CYP2C8: variants seen among roughly 807,000 people sequenced by gnomAD.
CYP2C8 encodes cytochrome P450 2C8.
A neutral mutation model predicts 41.3 loss-of-function variants in CYP2C8; 51 were observed. The ratio of observed to expected loss-of-function variants is 1.24; its 90% CI spans 0.99 to 1.56. The LOEUF is 1.56. CYP2C8 is among the 40% of genes most tolerant of loss of function. The pLI, the probability that CYP2C8 is intolerant of heterozygous loss-of-function variation, is 0.00. For missense variants in CYP2C8, 651 were observed against 579.9 expected, an observed-to-expected ratio of 1.12 and a Z score of -1.26; for synonymous variants, 218 against 205.8, an observed-to-expected ratio of 1.06 and a Z score of -0.51.
intron 5 of CYP2C8, among the ~76,000 whole-genome samples, chr10:95,051,274 G>A (rs1385209819): frequency 6.6e-6 from 1 of 152,044 alleles, no homozygotes; most frequent in Non-Finnish European, 1.5e-5. Context: ...AAGAATTAGT[G>A]AGCTTTAACA....
In CYP2C8 at chr10:95,056,350, A is replaced by G. The variant is rs573589454; in HGVS notation, c.819+1985T>C. ...GTAGAAATGTTTAGTTGTTTCTCAA[A>G]AAGTTAAACATAAAATTACCATATG... On this transcript the variant is annotated intron_variant, in intron 5 of 8. Coordinates refer to ENST00000371270, the MANE Select transcript of CYP2C8 (RefSeq NM_000770.3). 3.3e-5 allele frequency among the ~76,000 whole-genome samples: 5 copies of G among 152,310 alleles called. No individual in the cohort carries two copies. The South Asian group carries it at 1.0e-3, about 32-fold the overall frequency.
intron 3 of CYP2C8, among the ~76,000 whole-genome samples, 154 bp downstream of exon 3, chr10:95,067,054 C>T (rs1360715484): frequency 6.6e-6 from 1 of 152,206 alleles, no homozygotes; most frequent in Admixed American, 6.5e-5. Context: ...ACAAAACCTC[C>T]CTTGTCTCTG....
chr10:95,040,001 AC>A (rs1372868071), intron 7 of CYP2C8, among the ~76,000 whole-genome samples: 2 of 152,156 alleles, frequency 1.3e-5, no homozygotes, highest in East Asian at 3.9e-4. Flanking sequence ...AAAGAAACAA[AC>A]CAGGAAAGGA....
At chr10:95,049,029 A>G (rs1371220999) in intron 5 of CYP2C8, among the ~76,000 whole-genome samples, 2 of 152,180 alleles carry the variant, frequency 1.3e-5, no homozygotes, top group Non-Finnish European at 2.9e-5. Flanking sequence ...GAGTAAACAT[A>G]CAACCTACAG....
At chr10:95,064,419 C>T (rs1362447517) in intron 4 of CYP2C8, among the ~76,000 whole-genome samples, 2 of 152,154 alleles carry the variant, frequency 1.3e-5, no homozygotes, top group African/African-American at 2.4e-5. Flanking sequence ...GGCATGGGAC[C>T]CTCCAAGCCA....
chr10:95,038,529 A>C (rs2032930714), intron 8 of CYP2C8, among the ~76,000 whole-genome samples: 1 of 152,192 alleles, frequency 6.6e-6, no homozygotes, highest in Non-Finnish European at 1.5e-5. Flanking sequence ...CACCATGTAG[A>C]AGACACTCAA....
chr10:95,063,951 C>G (rs923587745), intron 4 of CYP2C8, among the ~76,000 whole-genome samples: 1 of 152,188 alleles, frequency 6.6e-6, no homozygotes, highest in Non-Finnish European at 1.5e-5. Flanking sequence ...GCAAATATTG[C>G]TGAACAGCAA....
At chr10:95,038,089 A>G (rs892928491) in intron 8 of CYP2C8, among the ~76,000 whole-genome samples, 6 of 152,216 alleles carry the variant, frequency 3.9e-5, no homozygotes, top group Admixed American at 3.3e-4. Flanking sequence ...AGCAGACATA[A>G]AAGATCAAAG....
At chr10:95,038,853 T>A (rs376459073) in intron 8 of CYP2C8, 44 bp downstream of exon 8, 2 of 1,604,610 alleles carry the variant, frequency 1.2e-6, no homozygotes, top group African/African-American at 2.7e-5. Flanking sequence ...TTCCAAAAAG[T>A]TCTCTCTTTC....
intron 4 of CYP2C8, among the ~76,000 whole-genome samples, chr10:95,061,908 A>G (rs2033445452): frequency 6.6e-6 from 1 of 152,226 alleles, no homozygotes; most frequent in South Asian, 2.1e-4. Context: ...CCCAGTAGTC[A>G]TTCAGGAGCA....
chr10:95,066,470 A>T (rs922456888), intron 3 of CYP2C8, among the ~76,000 whole-genome samples: 1 of 152,174 alleles, frequency 6.6e-6, no homozygotes, highest in African/African-American at 2.4e-5. Flanking sequence ...TAGTTAAACA[A>T]ATTATTTACA....
At chr10:95,042,512 A>G (rs1356581032) in intron 7 of CYP2C8, among the ~76,000 whole-genome samples, 1 of 152,240 alleles carries the variant, frequency 6.6e-6, no homozygotes, top group Non-Finnish European at 1.5e-5. Flanking sequence ...CTGAGAAAAT[A>G]GAATAAAGCT....
At chr10:95,041,919 T>C (rs2033010243) in intron 7 of CYP2C8, among the ~76,000 whole-genome samples, 1 of 152,098 alleles carries the variant, frequency 6.6e-6, no homozygotes. Flanking sequence ...TGGAATGACA[T>C]GAGCCTTCTG....
intron 1 of CYP2C8, 110 bp from the exon 2 acceptor site, chr10:95,067,801 CACAT>C (rs541192177): frequency 1.8e-6 from 2 of 1,138,290 alleles, no homozygotes; most frequent in Non-Finnish European, 2.6e-6. Flanking sequence ...ATATTTGCCA[CACAT>C]AGATTCGATA....
rs11572088 is a variant in CYP2C8, at chr10:95,065,334, A to C, written c.482-374T>G. On this transcript the variant is annotated intron_variant, in intron 3 of 8. Transcript: ENST00000371270. Reference sequence around the variant, plus strand: ...AGCCTCTGGACAATAAAACACAGAGATAGGAAGAGAAAAGTTGGGGACCTA... The same window carrying C: ...AGCCTCTGGACAATAAAACACAGAGCTAGGAAGAGAAAAGTTGGGGACCTA... Among the ~76,000 whole-genome samples the C allele has an allele frequency of 3.7e-3, 564 of 152,340 alleles. 4 individuals carry two copies. Among genetic ancestry groups the C allele is most frequent in the African/African-American group, 0.013 (545 of 41,582 alleles).
chr10:95,060,916 C>CA (rs1564740316), intron 4 of CYP2C8, among the ~76,000 whole-genome samples: 2 of 151,946 alleles, frequency 1.3e-5, no homozygotes, highest in Admixed American at 6.6e-5. Context: ...TGGTTTTTGT[C>CA]TTGGTTCTGT....
intron 4 of CYP2C8, among the ~76,000 whole-genome samples, chr10:95,061,859 C>T (rs1336436721): frequency 2.6e-5 from 4 of 152,178 alleles, no homozygotes; most frequent in Non-Finnish European, 5.9e-5. Flanking sequence ...TCATTGGTTT[C>T]AAAGAACATC....
chr10:95,036,870 A>C lies in CYP2C8; in HGVS notation c.*258T>G, dbSNP rs564743447. ...TCACTTTTCTGTGTTTTACAGTGATAACATATTAAAAAGTCAGCATTAGAA... is the reference window on the plus strand; with the variant it reads ...TCACTTTTCTGTGTTTTACAGTGATCACATATTAAAAAGTCAGCATTAGAA... On this transcript the variant is annotated 3_prime_UTR_variant, in exon 9 of 9. Coordinates refer to ENST00000371270, the MANE Select transcript of CYP2C8 (RefSeq NM_000770.3). The C allele has an allele frequency of 2.0e-6, 1 of 494,870 alleles. No individual in the cohort carries two copies. The highest frequency in any genetic ancestry group is 1.9e-5 in the African/African-American group (1 of 51,762). 30.7% of individuals were successfully genotyped at this position (494,870 alleles called of 1,614,324 possible).
chr10:95,064,841 A>T lies in CYP2C8; in HGVS notation c.601T>A (p.Phe201Ile). 1.2e-6 allele frequency: 2 copies of T among 1,614,088 alleles called. No individual in the cohort carries two copies. The highest frequency in any genetic ancestry group is 1.7e-6 in the Non-Finnish European group (2 of 1,179,988). The change falls in exon 4 of 9, where the codon TTC becomes ATC. Residue 201 changes from phenylalanine (F) to isoleucine (I), a missense_variant. By Grantham distance (21) the Phe-to-Ile change is conservative (BLOSUM62 0). Coordinates refer to ENST00000371270, the MANE Select transcript of CYP2C8 (RefSeq NM_000770.3). The stretch of plus-strand genomic sequence containing the variant: ...TTCAGAATCCTGAAGTTTTCATTGA[A>T]TCTTTTCATCAGGGTGAGAAAATTC... ...DQNFLTLMKR[F>I]NENFRILNSP...
Sources: allele counts gnomAD v4.1 joint callset (sites outside exome capture counted in the v4.1 genomes callset), GRCh38; gene constraint gnomAD v4.1.1; transcripts MANE v1.5; gene names NCBI Gene and HGNC (gene_info 2026-07-23, HGNC 2026-07-21).